The following GNG10 variants were observed in gnomAD, a reference collection of about 807,000 sequenced individuals.
The protein encoded by GNG10 is guanine nucleotide-binding protein G(I)/G(S)/G(O) subunit gamma-10.
In GNG10, 7 loss-of-function variants were observed where a neutral mutation model predicts 6.8. The observed-to-expected ratio is 1.02, with a 90% CI of 0.58 to 1.92. The LOEUF is 1.92. Ranked by LOEUF, GNG10 falls within the 30% of genes most tolerant of loss-of-function variation. GNG10 has a pLI of 0.00. For missense variants in GNG10, 57 were observed against 86.1 expected, an observed-to-expected ratio of 0.66 and a Z score of 1.34; for synonymous variants, 28 against 34.8, an observed-to-expected ratio of 0.80 and a Z score of 0.69.
intron 1 of GNG10, among the ~76,000 whole-genome samples, chr9:111,662,883 T>C (rs528410938): frequency 6.6e-6 from 1 of 152,126 alleles, no homozygotes; most frequent in Non-Finnish European, 1.5e-5. Context: ...GAAACCTAGT[T>C]TTAAAGAGGA....
intron 1 of GNG10, among the ~76,000 whole-genome samples, chr9:111,664,651 C>T (rs1830872115): frequency 6.6e-6 from 1 of 152,092 alleles, no homozygotes; most frequent in Non-Finnish European, 1.5e-5. Context: ...GTCTCCCAGC[C>T]CACAGCCTCT....
Position 111,666,170 on chromosome 9 carries a change from TG to T in GNG10, c.82-644del, listed in dbSNP as rs112958928. Among the ~76,000 whole-genome samples, 4 of 152,328 alleles carry T rather than the reference TG, an allele frequency of 2.6e-5. 1 individual carries two copies. Among genetic ancestry groups the T allele is most frequent in the African/African-American group, 9.6e-5 (4 of 41,570 alleles). ...TTAGCGCTATTCTAATAGCTTTATA[TG>T]TGTGAACTCACTTAATTGTTACAGC... On this transcript the variant is annotated intron_variant, in intron 1 of 2. Transcript: ENST00000374293.
intron 1 of GNG10, among the ~76,000 whole-genome samples, chr9:111,664,342 G>C (rs1830868641): frequency 6.6e-6 from 1 of 152,154 alleles, no homozygotes; most frequent in Admixed American, 6.5e-5. Flanking sequence ...TCCAGGGTCT[G>C]GTCTACCTCA....
Position 111,662,135 on chromosome 9 carries a change from C to A in GNG10, c.81+420C>A, listed in dbSNP as rs369142730. On this transcript the variant is annotated intron_variant, in intron 1 of 2. Coordinates refer to ENST00000374293, the MANE Select transcript of GNG10 (RefSeq NM_001017998.4). Reference sequence around the variant, plus strand: ...AGAGCCAGGATGCTCGGGTTTCTGTCGTCGTGACAGGGTGGACGGCGCTGC... The same window carrying A: ...AGAGCCAGGATGCTCGGGTTTCTGTAGTCGTGACAGGGTGGACGGCGCTGC... 1.3e-5 allele frequency among the ~76,000 whole-genome samples: 2 copies of A among 152,072 alleles called. 1 individual carries two copies. The highest frequency in any genetic ancestry group is 4.1e-4 in the South Asian group (2 of 4,830).
At chr9:111,663,977 C>G (rs376196305) in intron 1 of GNG10, among the ~76,000 whole-genome samples, 53 of 151,212 alleles carry the variant, frequency 3.5e-4, no homozygotes, top group African/African-American at 1.2e-3. Flanking sequence ...CCTGCCACCA[C>G]GTCCACTAAT....
chr9:111,668,811 T>A (rs890935663), intron 2 of GNG10, among the ~76,000 whole-genome samples: 4 of 151,332 alleles, frequency 2.6e-5, no homozygotes, highest in Non-Finnish European at 4.4e-5. Context: ...TGGGTGCTGC[T>A]CATTCAGTGG....
chr9:111,664,374 G>C (rs1396443340), intron 1 of GNG10, among the ~76,000 whole-genome samples: 1 of 152,172 alleles, frequency 6.6e-6, no homozygotes, highest in Non-Finnish European at 1.5e-5. Flanking sequence ...ATTGTTGGAT[G>C]TGCTTAGCAT....
intron 1 of GNG10, among the ~76,000 whole-genome samples, chr9:111,663,897 T>C (rs1368279186): frequency 6.6e-6 from 1 of 151,778 alleles, no homozygotes; most frequent in Non-Finnish European, 1.5e-5. Context: ...CTCAGCTCAC[T>C]GCAACCTCTG....
chr9:111,667,769 T>A (rs1429739856), intron 2 of GNG10, among the ~76,000 whole-genome samples: 1 of 152,140 alleles, frequency 6.6e-6, no homozygotes, highest in Non-Finnish European at 1.5e-5. Flanking sequence ...TAAAAGAGCT[T>A]TAAAAATTGA....
chr9:111,666,792 A>G (rs1257795384), intron 1 of GNG10, 23 bp from the exon 2 acceptor site: 2 of 1,610,022 alleles, frequency 1.2e-6, no homozygotes, highest in Non-Finnish European at 8.5e-7. Flanking sequence ...GCAGGGTGCC[A>G]TGTTGCTGTC....
At chr9:111,662,075 G>A (rs10980999) in intron 1 of GNG10, among the ~76,000 whole-genome samples, 28,530 of 152,040 alleles carry the variant, frequency 0.19, 3,197 homozygotes, top group East Asian at 0.37. Flanking sequence ...GCGGCGAATT[G>A]GTGATGGATT....
At chr9:111,665,240 A>AT (rs1281771169) in intron 1 of GNG10, among the ~76,000 whole-genome samples, 3 of 152,104 alleles carry the variant, frequency 2.0e-5, no homozygotes, top group Non-Finnish European at 4.4e-5. Context: ...AAAAAAAAAA[A>AT]GTACAATGAG....
At chr9:111,665,546 T>A (rs898722541) in intron 1 of GNG10, among the ~76,000 whole-genome samples, 6 of 152,128 alleles carry the variant, frequency 3.9e-5, no homozygotes, top group African/African-American at 1.4e-4. Context: ...CAGGTGCTGG[T>A]TGTAGCTTAC....
At position 111,666,894 on chromosome 9, in the gene GNG10, C is replaced by T. The variant is rs538617954; in HGVS notation, c.161C>T (p.Ala54Val). The T allele has an allele frequency of 6.2e-7, 1 of 1,614,018 alleles. No homozygotes were observed. Among genetic ancestry groups the T allele is most frequent in the Non-Finnish European group, 8.5e-7 (1 of 1,179,932 alleles). Reference protein sequence around the residue: ...CKDALLVGVPAGSNPFREPRS... With the variant: ...CKDALLVGVPVGSNPFREPRS... ...GATGCCCTGCTGGTGGGTGTTCCAG[C>T]TGGAAGTAACCCCTTCCGGGAGCCT... is the stretch of plus-strand genomic sequence containing the variant. Residue 54 changes from alanine to valine, a missense_variant, in exon 2 of 3, where the codon GCT becomes GTT. Physicochemically the swap from Ala to Val is moderately conservative, Grantham distance 64. Transcript: ENST00000374293.
chr9:111,661,793 G>T lies in GNG10; in HGVS notation c.81+78G>T. On this transcript the variant is annotated intron_variant, in intron 1 of 2. Coordinates refer to ENST00000374293, the MANE Select transcript of GNG10 (RefSeq NM_001017998.4). This position sits in a 1 kb window ranked among gnomAD's most constrained non-coding sequence, Gnocchi z 6.1. ...AGAGGAGGCCGGCGGCCCGGACCGG[G>T]CGCCAGCGGGGGACTCGGTGGCGGC... is the stretch of plus-strand genomic sequence containing the variant. 1.2e-6 allele frequency: 1 copy of T among 861,096 alleles called. No individual in the cohort carries two copies. The highest frequency in any genetic ancestry group is 1.5e-6 in the Non-Finnish European group (1 of 661,612). The allele number at this position is 861,096 out of a possible 1,614,324, so 53.3% of individuals were successfully genotyped here. A position where few individuals can be genotyped will look rare whatever the true frequency, so the allele number is the denominator to read the frequency against.
At chr9:111,665,893 A>ATTTTT (rs571066443) in intron 1 of GNG10, among the ~76,000 whole-genome samples, 1 of 121,860 alleles carries the variant, frequency 8.2e-6, no homozygotes. Context: ...CACCCGGTTA[A>ATTTTT]TTTTTTTTTT....
intron 2 of GNG10, 80 bp downstream of exon 2, chr9:111,667,026 T>G: frequency 1.9e-6 from 3 of 1,553,026 alleles, no homozygotes; most frequent in South Asian, 1.2e-5. Context: ...AACTGAGTTT[T>G]GAATGTCTCC....
intron 2 of GNG10, among the ~76,000 whole-genome samples, chr9:111,667,700 T>C (rs76686407): frequency 0.02 from 3,070 of 152,318 alleles, 100 homozygotes; most frequent in African/African-American, 0.069. Flanking sequence ...GTTTTCAGAA[T>C]ATATCTCTGT....
At chr9:111,666,013 G>T (rs1830891638) in intron 1 of GNG10, among the ~76,000 whole-genome samples, 1 of 151,464 alleles carries the variant, frequency 6.6e-6, no homozygotes, top group African/African-American at 2.4e-5. Flanking sequence ...GGGATTACAG[G>T]TGTGAGCCAC....
Sources: gnomAD v4.1 joint callset for allele counts (sites outside exome capture counted in the v4.1 genomes callset) on GRCh38, gnomAD v4.1.1 for gene constraint, Gnocchi (gnomAD v3.1) non-coding constraint, MANE v1.5 for transcripts, NCBI Gene and HGNC (gene_info 2026-07-23, HGNC 2026-07-21) for gene names.